ACSM1: variants seen among roughly 807,000 people sequenced by gnomAD.
ACSM1 encodes acyl-coenzyme A synthetase ACSM1, mitochondrial.
ACSM1 carries 79 observed loss-of-function variants against 75.8 expected under a neutral mutation model. The ratio of observed to expected loss-of-function variants is 1.04; its 90% CI spans 0.87 to 1.26. The LOEUF is 1.26. Among genes scored for constraint, ACSM1 ranks in the 50% most tolerant of loss-of-function variants. The pLI is 0.00. For synonymous variants in ACSM1, 279 were observed against 265.8 expected (o/e 1.05, Z -0.48); for missense variants, 676 against 720.1 (o/e 0.94, Z 0.70).
chr16:20,624,138 C>T lies in ACSM1; in HGVS notation c.1605G>A (p.Gln535=), dbSNP rs2016774912. The T allele has an allele frequency of 6.2e-7, 1 of 1,613,382 alleles. No individual in the cohort carries two copies. Among genetic ancestry groups the T allele is most frequent in the East Asian group, 2.2e-5 (1 of 44,838 alleles). The part of the protein sequence containing the change: ...DKDQLTKELQ[Q]HVKSVTAPYK... ...ATGGGGCTGTCACTGACTTGACATG[C>T]TGCTGCAGTTCCTTGGTCAGCTGAT... Residue 535 remains glutamine (Q), a synonymous_variant, in exon 13 of 14, where the codon CAG becomes CAA. Transcript: ENST00000520010.
intron 7 of ACSM1, among the ~76,000 whole-genome samples, chr16:20,655,774 T>C (rs2018925702): frequency 6.6e-6 from 1 of 152,158 alleles, no homozygotes; most frequent in African/African-American, 2.4e-5. Context: ...GCAATTCTCC[T>C]GCCTCAGCCT....
intron 8 of ACSM1, among the ~76,000 whole-genome samples, chr16:20,639,444 G>A (rs2017921763): frequency 1.3e-5 from 2 of 152,182 alleles, no homozygotes; most frequent in African/African-American, 4.8e-5. Context: ...GGGAGGGTTA[G>A]TGGAGTTGAC....
intron 7 of ACSM1, among the ~76,000 whole-genome samples, chr16:20,641,162 G>A (rs1358152075): frequency 6.6e-6 from 1 of 152,158 alleles, no homozygotes; most frequent in Non-Finnish European, 1.5e-5. Flanking sequence ...AGGAATTTCA[G>A]AGAAAACAGA....
chr16:20,685,221 C>T lies in ACSM1; in HGVS notation c.375G>A (p.Trp125Ter), dbSNP rs1228195136. 2.5e-6 allele frequency: 4 copies of T among 1,614,112 alleles called. No homozygotes were observed. Among genetic ancestry groups the T allele is most frequent in the Non-Finnish European group, 3.4e-6 (4 of 1,180,044 alleles). ...ALMLPRVPEW[W>*]LVAVGCMRTG... ...TTCGCATGCAGCCCACAGCCACCAG[C>T]CACCACTCAGGAACTCGAGGCAGCA... The change falls in exon 3 of 14, where the codon TGG becomes TGA. Residue 125 changes from tryptophan to a stop codon, truncating the protein, a stop_gained. Transcript: ENST00000520010. LOFTEE classifies it high-confidence loss of function.
Position 20,648,158 on chromosome 16 carries a change from A to G in ACSM1, c.993-7574T>C, listed in dbSNP as rs955069731. 2.6e-5 allele frequency among the ~76,000 whole-genome samples: 4 copies of G among 152,154 alleles called. No homozygotes were observed. Among genetic ancestry groups the G allele is most frequent in the African/African-American group, 9.7e-5 (4 of 41,426 alleles). On this transcript the variant is annotated intron_variant, in intron 7 of 13. Coordinates refer to ENST00000520010, the MANE Select transcript of ACSM1 (RefSeq NM_001318890.3). The surrounding 1 kb of genome is among the most constrained non-coding windows in gnomAD (Gnocchi z 4.2). ...TGGGCCTGATAACCCCAACATTTCT[A>G]TGCCTTTCTCATATCCAGGAGAGAC...
At chr16:20,635,604 C>A (rs865810837) in intron 10 of ACSM1, among the ~76,000 whole-genome samples, 1 of 78,750 alleles carries the variant, frequency 1.3e-5, no homozygotes, top group South Asian at 4.6e-4. Flanking sequence ...TTCTTTCTTT[C>A]TTTCTTTCTT....
At chr16:20,644,785 A>T (rs1482217272) in intron 7 of ACSM1, among the ~76,000 whole-genome samples, 1 of 152,236 alleles carries the variant, frequency 6.6e-6, no homozygotes, top group Non-Finnish European at 1.5e-5. Flanking sequence ...TGGAAATCCC[A>T]AACTTACAAG....
chr16:20,625,080 C>T (rs949681436), intron 12 of ACSM1, among the ~76,000 whole-genome samples: 1 of 152,162 alleles, frequency 6.6e-6, no homozygotes, highest in Non-Finnish European at 1.5e-5. Flanking sequence ...GCTGAGATGC[C>T]ATTCTGCCTC....
chr16:20,636,595 T>C (rs1052087074), intron 10 of ACSM1, 144 bp downstream of exon 10: 1 of 638,302 alleles, frequency 1.6e-6, no homozygotes, highest in African/African-American at 1.8e-5. Flanking sequence ...GATGGGAGAA[T>C]GCACGGTGAG....
chr16:20,682,301 G>T lies in ACSM1; in HGVS notation c.566C>A (p.Ser189Tyr). 1 of 1,613,798 alleles carries T rather than the reference G, an allele frequency of 6.2e-7. No individual in the cohort carries two copies. Among genetic ancestry groups the T allele is most frequent in the Non-Finnish European group, 8.5e-7 (1 of 1,179,970 alleles). Residue 189 changes from serine (S) to tyrosine (Y), a missense_variant, in exon 4 of 14, where the codon TCT (serine) becomes TAT (tyrosine). Ser to Tyr is a moderately radical substitution (Grantham distance 144). Transcript: ENST00000520010. ...CAGCCACCCTTCACGGCTGTGATCA[G>T]ACACCAGGAGCTTGGTTTTCAGAGA... Reference protein sequence around the residue: ...CPSLKTKLLVSDHSREGWLDF... With the variant: ...CPSLKTKLLVYDHSREGWLDF...
intron 4 of ACSM1, among the ~76,000 whole-genome samples, chr16:20,677,051 C>A (rs547230272): frequency 6.6e-6 from 1 of 152,112 alleles, no homozygotes; most frequent in South Asian, 2.1e-4. Context: ...CAAAAGCAAT[C>A]TGTTTGTGCA....
rs370984020 is a variant in ACSM1 at position 20,673,141 on chromosome 16, G to A, written c.612-1470C>T. On this transcript the variant is annotated intron_variant, in intron 4 of 13. Transcript: ENST00000520010. The stretch of plus-strand genomic sequence containing the variant: ...TATATATTATATATAAAATTACTGC[G>A]ATCAATGTACCTCTGCCCTAGCATG... Among the ~76,000 whole-genome samples the A allele has an allele frequency of 2.7e-5, 4 of 148,672 alleles. No homozygotes were observed. The South Asian group carries it at 6.3e-4, about 23-fold the overall frequency.
At chr16:20,669,774 A>C (rs2019787657) in intron 6 of ACSM1, 53 bp downstream of exon 6, 1 of 1,581,954 alleles carries the variant, frequency 6.3e-7, no homozygotes, top group Non-Finnish European at 8.7e-7. Flanking sequence ...AGGTCCAGGA[A>C]ACATGGATTT....
chr16:20,671,652 T>A lies in ACSM1; in HGVS notation c.631A>T (p.Thr211Ser). ...TCCAAGGTCTTTGACTTAACACAGGTGTGTTCTGGGGATGCTGATCTGCAA... is the reference window on the plus strand; with the variant it reads ...TCCAAGGTCTTTGACTTAACACAGGAGTGTTCTGGGGATGCTGATCTGCAA... ...SLVKSASPEHTCVKSKTLDPM... is the reference protein window; with the variant it reads ...SLVKSASPEHSCVKSKTLDPM... The change falls in exon 5 of 14, where the codon ACC becomes TCC. Residue 211 changes from threonine to serine, a missense_variant. Transcript: ENST00000520010. 1 of 1,603,828 alleles carries A rather than the reference T, an allele frequency of 6.2e-7. No homozygotes were observed. The highest frequency in any genetic ancestry group is 8.5e-7 in the Non-Finnish European group (1 of 1,174,410).
At chr16:20,683,715 C>CTCTTTCTTTCTTTCTT (rs55684501) in intron 3 of ACSM1, among the ~76,000 whole-genome samples, 13 of 136,310 alleles carry the variant, frequency 9.5e-5, no homozygotes, top group Non-Finnish European at 1.4e-4. Flanking sequence ...CTCTCTCTCT[C>CTCTTTCTTTCTTTCTT]TCTTTCTTTC....
chr16:20,659,772 C>T (rs1203948958), intron 7 of ACSM1, among the ~76,000 whole-genome samples: 1 of 152,188 alleles, frequency 6.6e-6, no homozygotes, highest in African/African-American at 2.4e-5. Flanking sequence ...TACAACCTTT[C>T]TCTCTGAAGT....
intron 7 of ACSM1, among the ~76,000 whole-genome samples, chr16:20,642,144 T>C (rs956742492): frequency 2.0e-5 from 3 of 152,118 alleles, no homozygotes; most frequent in Admixed American, 2.0e-4. Context: ...AAAATTAAAG[T>C]CTTGGTTTGG....
At position 20,640,515 on chromosome 16, in the gene ACSM1, C is replaced by T; in HGVS notation, c.1062G>A (p.Glu354=). The T allele has an allele frequency of 1.2e-6, 2 of 1,614,192 alleles. No individual in the cohort carries two copies. Among genetic ancestry groups the T allele is most frequent in the Non-Finnish European group, 1.7e-6 (2 of 1,180,020 alleles). ...GEVVLPKDQE[E]WKRRTGLLLY... is the part of the protein sequence containing the mutation. ...GCAGAAGGCCCGTCCGTCTTTTCCA[C>T]TCCTCCTGATCCTTGGGCAACACGA... The change falls in exon 8 of 14, where the codon GAG becomes GAA. Residue 354 remains glutamate, a synonymous_variant. Transcript: ENST00000520010.
intron 7 of ACSM1, among the ~76,000 whole-genome samples, chr16:20,641,902 G>A (rs890055627): frequency 7.9e-5 from 12 of 152,158 alleles, no homozygotes; most frequent in African/African-American, 1.9e-4. Context: ...TGGAGTGCTC[G>A]GAAGAATCAG....
Sources: gnomAD v4.1 joint callset for allele counts (sites outside exome capture counted in the v4.1 genomes callset) on GRCh38, gnomAD v4.1.1 for gene constraint, Gnocchi (gnomAD v3.1) non-coding constraint, MANE v1.5 for transcripts, NCBI Gene and HGNC (gene_info 2026-07-23, HGNC 2026-07-21) for gene names.